IGSF5: variants seen among roughly 807,000 people sequenced by gnomAD.
IGSF5 encodes immunoglobulin superfamily member 5, also known as immunoglobulin superfamily 5 like.
Under a neutral mutation model 39.4 loss-of-function variants are expected in IGSF5, and 41 were observed. The observed-to-expected ratio is 1.04, with a 90% CI of 0.81 to 1.35. IGSF5 has a LOEUF of 1.35. IGSF5 is among the 40% of genes most tolerant of loss of function. The pLI is 0.00. For missense variants in IGSF5, 487 were observed against 494.6 expected, an observed-to-expected ratio of 0.98 and a Z score of 0.15; for synonymous variants, 183 against 175.3, an observed-to-expected ratio of 1.04 and a Z score of -0.34.
upstream of IGSF5, among the ~76,000 whole-genome samples, chr21:39,744,780 T>G (rs1381012373): frequency 6.6e-6 from 1 of 152,268 alleles, no homozygotes; most frequent in South Asian, 2.1e-4. Flanking sequence ...TGGTGAGGTG[T>G]GCTCACAGCG....
intron 3 of IGSF5, among the ~76,000 whole-genome samples, chr21:39,768,155 A>G (rs2080095691): frequency 6.6e-6 from 1 of 152,212 alleles, no homozygotes; most frequent in Non-Finnish European, 1.5e-5. Flanking sequence ...TCTCCAAGAT[A>G]TTGCGAGAGG....
intron 4 of IGSF5, among the ~76,000 whole-genome samples, chr21:39,773,866 T>A (rs2080127098): frequency 6.6e-6 from 1 of 152,258 alleles, no homozygotes; most frequent in Non-Finnish European, 1.5e-5. Context: ...GAGGTAACGA[T>A]GCAGCAGGAG....
At chr21:39,778,055 C>CT (rs1396434160) in intron 4 of IGSF5, among the ~76,000 whole-genome samples, 1 of 152,168 alleles carries the variant, frequency 6.6e-6, no homozygotes, top group African/African-American at 2.4e-5. Flanking sequence ...GAGTGACAGC[C>CT]TTTTGTTGAA....
At position 39,746,297 on chromosome 21, in the gene IGSF5, C is replaced by T. The variant is rs527863400; in HGVS notation, c.99C>T (p.Asp33=). The change falls in exon 2 of 9, where the codon GAC becomes GAT. Residue 33 remains aspartate, a splice_region_variant and synonymous_variant. Transcript: ENST00000380588. ...GATGGTGGCAAACAGCAGTGGTGGA[C>T]GGTGAGTGAAAGCTCAGCTCGAGCC... is the stretch of plus-strand genomic sequence containing the variant. ...GLRWWQTAVV[D]GSGSGNEVIE... is the part of the protein sequence containing the mutation. The T allele has an allele frequency of 6.1e-5, 43 of 700,448 alleles. No individual in the cohort carries two copies. The highest frequency in any genetic ancestry group is 3.7e-4 in the Middle Eastern group (1 of 2,736). 43.4% of individuals were successfully genotyped at this position (700,448 alleles called of 1,614,324 possible).
chr21:39,748,936 T>C (rs2079989647), intron 2 of IGSF5, among the ~76,000 whole-genome samples: 1 of 152,200 alleles, frequency 6.6e-6, no homozygotes, highest in South Asian at 2.1e-4. Flanking sequence ...ATGAGACAAG[T>C]GTCTGGTTAT....
the IGSF5 span, among the ~76,000 whole-genome samples, chr21:39,733,364 T>C: frequency 6.6e-6 from 1 of 152,124 alleles, no homozygotes; most frequent in African/African-American, 2.4e-5. Context: ...TATAAAATTA[T>C]ATATACAAAT....
At chr21:39,801,231 T>G (rs778287988) in intron 8 of IGSF5, 31 bp from the exon 9 acceptor site, 15 of 1,554,622 alleles carry the variant, frequency 9.6e-6, no homozygotes, top group Non-Finnish European at 3.5e-6. Flanking sequence ...CTCAACCCAT[T>G]AAATTGACTT....
chr21:39,748,576 CGA>C (rs1214107483), intron 2 of IGSF5, among the ~76,000 whole-genome samples: 1 of 151,936 alleles, frequency 6.6e-6, no homozygotes, highest in African/African-American at 2.4e-5. Context: ...CTCAAGAGAA[CGA>C]GATCTTATAA....
intron 4 of IGSF5, among the ~76,000 whole-genome samples, chr21:39,771,512 AT>A (rs1383089658): frequency 6.6e-6 from 1 of 152,134 alleles, no homozygotes; most frequent in Non-Finnish European, 1.5e-5. Flanking sequence ...TGAATTAAAC[AT>A]TTGTGTTTCT....
the IGSF5 span, among the ~76,000 whole-genome samples, chr21:39,716,465 A>G: frequency 1.1e-4 from 17 of 152,128 alleles, no homozygotes; most frequent in South Asian, 2.5e-3. Flanking sequence ...CCCAGTACCC[A>G]ATAGTTATCT....
intron 2 of IGSF5, among the ~76,000 whole-genome samples, chr21:39,757,219 C>T (rs1269305353): frequency 2.0e-5 from 3 of 152,156 alleles, no homozygotes; most frequent in African/African-American, 7.2e-5. Context: ...CCCTGTTTCT[C>T]CCCACACCTA....
Position 39,799,641 on chromosome 21 carries a change from C to T in IGSF5, c.1129-1621C>T, listed in dbSNP as rs145442395. On this transcript the variant is annotated intron_variant, in intron 8 of 8. Transcript: ENST00000380588. Reference sequence around the variant, plus strand: ...CTTGTACCTCGTGTCCCTGCTCCACCGGCCTTGCTGCAAAGCACAGAGAAG... The same window carrying T: ...CTTGTACCTCGTGTCCCTGCTCCACTGGCCTTGCTGCAAAGCACAGAGAAG... 2.6e-4 allele frequency among the ~76,000 whole-genome samples: 40 copies of T among 152,120 alleles called. 1 individual carries two copies. In the East Asian group the frequency reaches 7.2e-3, roughly 27 times the overall value.
the IGSF5 span, among the ~76,000 whole-genome samples, chr21:39,728,367 G>C: frequency 6.6e-6 from 1 of 152,164 alleles, no homozygotes; most frequent in East Asian, 1.9e-4. Context: ...GACAGAGACA[G>C]GGATTGGAGT....
intron 2 of IGSF5, among the ~76,000 whole-genome samples, chr21:39,765,098 T>C (rs1471228375): frequency 6.6e-6 from 1 of 152,186 alleles, no homozygotes; most frequent in Non-Finnish European, 1.5e-5. Flanking sequence ...CCTCACATGA[T>C]GTTCTTCTCT....
intron 5 of IGSF5, among the ~76,000 whole-genome samples, chr21:39,781,451 A>G (rs1295637916): frequency 6.6e-6 from 1 of 152,184 alleles, no homozygotes; most frequent in African/African-American, 2.4e-5. Context: ...AATGTTGTGT[A>G]TGTTCATATT....
chr21:39,714,692 G>A, the IGSF5 span, among the ~76,000 whole-genome samples: 3 of 152,136 alleles, frequency 2.0e-5, no homozygotes, highest in African/African-American at 7.2e-5. Context: ...TCTTCACGTG[G>A]TATCCTTCTT....
intron 8 of IGSF5, among the ~76,000 whole-genome samples, chr21:39,799,327 G>C (rs1298043454): frequency 1.3e-5 from 2 of 152,158 alleles, no homozygotes; most frequent in East Asian, 1.9e-4. Context: ...CCGCTGCCTT[G>C]GTACCCTGCT....
chr21:39,758,518 T>C (rs1387082792), intron 2 of IGSF5, among the ~76,000 whole-genome samples: 1 of 152,140 alleles, frequency 6.6e-6, no homozygotes, highest in Admixed American at 6.5e-5. Flanking sequence ...TGAAGCCTCC[T>C]AACCCTTGCC....
At position 39,778,337 on chromosome 21, in the gene IGSF5, A is replaced by G. The variant is rs527532480; in HGVS notation, c.719-753A>G. 3.3e-4 allele frequency among the ~76,000 whole-genome samples: 50 copies of G among 152,342 alleles called. No individual in the cohort carries two copies. In the Middle Eastern group the frequency reaches 0.02, roughly 62 times the overall value. On this transcript the variant is annotated intron_variant, in intron 4 of 8. Transcript: ENST00000380588. ...TTGGATGATCATGTGAAGCCACAAC[A>G]GCTCTGCTTAAGACATGGTGGAAAA...
Sources: gnomAD v4.1 joint callset for allele counts (sites outside exome capture counted in the v4.1 genomes callset) on GRCh38, gnomAD v4.1.1 for gene constraint, MANE v1.5 for transcripts, NCBI Gene and HGNC (gene_info 2026-07-23, HGNC 2026-07-21) for gene names.